The following NAALADL2 variants were observed in gnomAD, a reference collection of about 807,000 sequenced individuals.
NAALADL2 encodes the protein N-acetylated alpha-linked acidic dipeptidase like 2, also known as inactive N-acetylated-alpha-linked acidic dipeptidase-like protein 2.
NAALADL2 carries 76 observed loss-of-function variants against 87.2 expected under a neutral mutation model. That is an observed-to-expected ratio of 0.87 (90% confidence interval 0.72 to 1.05). The LOEUF is 1.05. Ranked by LOEUF, NAALADL2 falls within the 50% of genes least tolerant of loss-of-function variation. NAALADL2 has a pLI of 0.00. For synonymous variants in NAALADL2, 354 were observed against 331.0 expected, an observed-to-expected ratio of 1.07 and a Z score of -0.75; for missense variants, 1,089 against 945.8, an observed-to-expected ratio of 1.15 and a Z score of -1.99.
chr3:175,146,596 T>G (rs1400967329), intron 2 of NAALADL2, among the ~76,000 whole-genome samples: 2 of 152,136 alleles, frequency 1.3e-5, no homozygotes, highest in Non-Finnish European at 2.9e-5. Flanking sequence ...ACTAACAGTG[T>G]GCTGGACGAA....
chr3:175,435,441 A>G (rs1287560930), intron 5 of NAALADL2, among the ~76,000 whole-genome samples: 3 of 152,120 alleles, frequency 2.0e-5, no homozygotes, highest in Non-Finnish European at 4.4e-5. Context: ...ATTAAGTACC[A>G]TGCTTATGTC....
Position 174,819,058 on chromosome 3 carries a change from C to CTTTTTTTTTTTTT in NAALADL2, c.-9+81328_-9+81340dup, listed in dbSNP as rs3040106. Among the ~76,000 whole-genome samples, 14 of 47,544 alleles carry CTTTTTTTTTTTTT rather than the reference C, an allele frequency of 2.9e-4. 1 individual carries two copies. Among genetic ancestry groups the CTTTTTTTTTTTTT allele is most frequent in the Admixed American group, 5.8e-4 (2 of 3,466 alleles). The allele number at this position is 47,544 out of a possible 152,430, so 31.2% of individuals were successfully genotyped here. The stretch of plus-strand genomic sequence containing the variant: ...GAATTTCTTTATTATACCATTTATT[C>CTTTTTTTTTTTTT]TTTTTTTTTTTTTTTTTTTTTTTTT... On this transcript the variant is annotated intron_variant, in intron 3 of 3. Transcript: ENST00000434257.
In NAALADL2 at chr3:175,199,686, G is replaced by A. The variant is rs185705089; in HGVS notation, c.546-34245G>A. 3.3e-5 allele frequency among the ~76,000 whole-genome samples: 5 copies of A among 150,698 alleles called. No individual in the cohort carries two copies. The East Asian group carries it at 1.0e-3, about 30-fold the overall frequency. ...ATTCACAGATGTCCCTGGCCTCCCT[G>A]TTTGGCGTTAGCTTTACTCCTAGTT... On this transcript the variant is annotated intron_variant, in intron 2 of 13. Coordinates refer to ENST00000454872, the MANE Select transcript of NAALADL2 (RefSeq NM_207015.3).
chr3:175,467,211 G>A (rs1279803973), intron 8 of NAALADL2, 27 bp downstream of exon 8: 3 of 1,570,394 alleles, frequency 1.9e-6, no homozygotes, highest in Non-Finnish European at 2.6e-6. Context: ...ATTAATTACA[G>A]TGCTTTTCTT....
At chr3:174,853,251 AC>A (rs200626950) in intron 3 of NAALADL2, among the ~76,000 whole-genome samples, 1,761 of 144,392 alleles carry the variant, frequency 0.012, 41 homozygotes, top group African/African-American at 0.043. Context: ...GGTGGCTCGC[AC>A]CTGTAGTCCC....
At chr3:175,480,850 T>C (rs1726350015) in intron 9 of NAALADL2, among the ~76,000 whole-genome samples, 1 of 151,914 alleles carries the variant, frequency 6.6e-6, no homozygotes, top group Non-Finnish European at 1.5e-5. Flanking sequence ...AAAAGAACTA[T>C]GTATATTAGA....
At chr3:175,006,745 G>A (rs965659965) in intron 1 of NAALADL2, among the ~76,000 whole-genome samples, 1 of 151,754 alleles carries the variant, frequency 6.6e-6, no homozygotes, top group Non-Finnish European at 1.5e-5. Flanking sequence ...CTGAAAGATA[G>A]GATGTAGTTT....
chr3:175,684,248 A>T (rs867619303), intron 11 of NAALADL2, among the ~76,000 whole-genome samples: 11 of 152,102 alleles, frequency 7.2e-5, no homozygotes, highest in South Asian at 2.1e-4. Context: ...TTTTGTATAG[A>T]TTTTTAAAAA....
intron 1 of NAALADL2, among the ~76,000 whole-genome samples, chr3:175,015,569 C>T (rs1334262789): frequency 2.6e-5 from 4 of 152,028 alleles, no homozygotes; most frequent in African/African-American, 7.2e-5. Flanking sequence ...CACTAAGAAA[C>T]GTCTTTGCCT....
intron 1 of NAALADL2, among the ~76,000 whole-genome samples, chr3:174,461,018 A>G (rs866001877): frequency 2.0e-5 from 3 of 152,220 alleles, no homozygotes; most frequent in African/African-American, 2.4e-5. Flanking sequence ...ATGCTCTGCA[A>G]TTATGCAAAG....
chr3:175,709,807 A>G (rs989006841), intron 11 of NAALADL2, among the ~76,000 whole-genome samples: 1 of 152,046 alleles, frequency 6.6e-6, no homozygotes, highest in Non-Finnish European at 1.5e-5. Context: ...TCAAGAACGT[A>G]TATTGTGCCA....
At chr3:175,327,442 A>C (rs1329898432) in intron 5 of NAALADL2, among the ~76,000 whole-genome samples, 1 of 152,166 alleles carries the variant, frequency 6.6e-6, no homozygotes, top group African/African-American at 2.4e-5. Context: ...GGCGTGAGCC[A>C]CCGCACCCTG....
At chr3:175,086,599 G>A (rs1409168412) in intron 1 of NAALADL2, among the ~76,000 whole-genome samples, 6 of 151,862 alleles carry the variant, frequency 4.0e-5, no homozygotes, top group Non-Finnish European at 7.4e-5. Context: ...ATTTCTTTGC[G>A]GCTCTTACAT....
chr3:174,588,140 C>A (rs1428972380), intron 2 of NAALADL2, among the ~76,000 whole-genome samples: 3 of 152,138 alleles, frequency 2.0e-5, no homozygotes, highest in Non-Finnish European at 4.4e-5. Context: ...AACACTCATA[C>A]CCTTTCTTTT....
At position 175,803,976 on chromosome 3, in the gene NAALADL2, TTTC is replaced by T. The variant is rs1193121043; in HGVS notation, c.*776_*778del. 3.3e-5 allele frequency: 5 copies of T among 152,418 alleles called. No individual in the cohort carries two copies. Among genetic ancestry groups the T allele is most frequent in the South Asian group, 2.1e-4 (1 of 4,828 alleles). The allele number at this position is 152,418 out of a possible 1,614,324, so 9.4% of individuals were successfully genotyped here. ...ATGTCTTAAGAGGGAGAAAAAAATA[TTTC>T]TTATTACTTTTTCTCTTGTTTCTGT... On this transcript the variant is annotated 3_prime_UTR_variant, in exon 14 of 14. Transcript: ENST00000454872.
intron 1 of NAALADL2, among the ~76,000 whole-genome samples, chr3:174,922,535 C>T (rs1264559610): frequency 6.6e-6 from 1 of 152,090 alleles, no homozygotes; most frequent in Non-Finnish European, 1.5e-5. Flanking sequence ...ATTTGAATTT[C>T]ATCAGTTTTT....
intron 10 of NAALADL2, among the ~76,000 whole-genome samples, chr3:175,626,785 A>G (rs896745037): frequency 2.0e-5 from 3 of 151,810 alleles, no homozygotes; most frequent in African/African-American, 7.2e-5. Flanking sequence ...GGTGCCACTC[A>G]GAGATCTTAC....
intron 2 of NAALADL2, among the ~76,000 whole-genome samples, chr3:175,146,877 A>G (rs1380744726): frequency 2.6e-5 from 4 of 152,134 alleles, no homozygotes; most frequent in Non-Finnish European, 5.9e-5. Flanking sequence ...ATTCAGGTAC[A>G]TAATCTTCTC....
Position 174,591,511 on chromosome 3 carries a change from T to C in NAALADL2, c.-115+40874T>C, listed in dbSNP as rs555052472. ...CATTTGAAGTTGGTAGCACGCCTGA[T>C]GGATGGAGCATGAAATGAAAACTTC... On this transcript the variant is annotated intron_variant, in intron 2 of 3. Transcript: ENST00000434257. Among the ~76,000 whole-genome samples, 3 of 152,282 alleles carry C rather than the reference T, an allele frequency of 2.0e-5. No homozygotes were observed. The East Asian group carries it at 5.8e-4, about 29-fold the overall frequency.
Sources: gnomAD v4.1 joint callset for allele counts (sites outside exome capture counted in the v4.1 genomes callset) on GRCh38, gnomAD v4.1.1 for gene constraint, MANE v1.5 for transcripts, NCBI Gene and HGNC (gene_info 2026-07-23, HGNC 2026-07-21) for gene names.